Variants in NCKAP1 observed in about 807,000 individuals in gnomAD.
NCKAP1 encodes the protein nck-associated protein 1.
Under a neutral mutation model 151.2 loss-of-function variants are expected in NCKAP1, and 21 were observed. That is an observed-to-expected ratio of 0.14 (90% CI 0.10 to 0.20). The LOEUF (loss-of-function observed/expected upper bound fraction) is 0.20, where lower values mean the gene tolerates loss of function less well. NCKAP1 is among the 10% of genes least tolerant of loss of function. The pLI is 1.00. For missense variants in NCKAP1, 933 were observed against 1,352.1 expected (o/e 0.69, Z 4.86); for synonymous variants, 484 against 451.8 (o/e 1.07, Z -0.90).
At chr2:182,982,416 G>A (rs559622423) in intron 12 of NCKAP1, among the ~76,000 whole-genome samples, 77 of 152,136 alleles carry the variant, frequency 5.1e-4, no homozygotes, top group Non-Finnish European at 8.4e-4. Context: ...TGATTTGGAT[G>A]TACTATCTTT....
intron 23 of NCKAP1, among the ~76,000 whole-genome samples, chr2:182,944,287 TA>T (rs551740172): frequency 5.9e-5 from 9 of 152,016 alleles, no homozygotes; most frequent in East Asian, 1.9e-4. Context: ...AGATTTTTTT[TA>T]AAAAAAAGTT....
intron 15 of NCKAP1, among the ~76,000 whole-genome samples, chr2:182,975,786 T>G (rs922137853): frequency 2.6e-5 from 4 of 151,992 alleles, no homozygotes; most frequent in Non-Finnish European, 5.9e-5. Flanking sequence ...GCACTTATAG[T>G]CCCAGCTATT....
chr2:182,967,456 TA>T, intron 15 of NCKAP1, 95 bp from the exon 16 acceptor site: 1 of 1,126,350 alleles, frequency 8.9e-7, no homozygotes, highest in South Asian at 1.4e-5. Flanking sequence ...GAAAGATACT[TA>T]AACTATCTAC....
chr2:183,013,687 C>T (rs1698631469), intron 2 of NCKAP1, among the ~76,000 whole-genome samples: 1 of 152,126 alleles, frequency 6.6e-6, no homozygotes, highest in Admixed American at 6.6e-5. Context: ...CTACTACTCC[C>T]CTCCTATGGC....
chr2:182,941,676 T>G (rs1018319298), intron 24 of NCKAP1, among the ~76,000 whole-genome samples: 9 of 152,206 alleles, frequency 5.9e-5, no homozygotes, highest in Non-Finnish European at 4.4e-5. Flanking sequence ...AAATACCGTT[T>G]GCTTAAATGG....
At chr2:182,999,441 A>G (rs918679970) in intron 6 of NCKAP1, among the ~76,000 whole-genome samples, 2 of 152,200 alleles carry the variant, frequency 1.3e-5, no homozygotes, top group African/African-American at 4.8e-5. Flanking sequence ...AACCACTGGT[A>G]AAATGGGATA....
At chr2:182,944,325 A>T (rs1306392970) in intron 23 of NCKAP1, among the ~76,000 whole-genome samples, 2 of 152,204 alleles carry the variant, frequency 1.3e-5, no homozygotes, top group African/African-American at 4.8e-5. Context: ...GTATTGTGTT[A>T]AAAAGAAAGT....
At chr2:182,945,560 A>G (rs1697086976) in intron 23 of NCKAP1, among the ~76,000 whole-genome samples, 2 of 152,214 alleles carry the variant, frequency 1.3e-5, no homozygotes, top group South Asian at 4.1e-4. Flanking sequence ...TGTGAACTAC[A>G]ATATTTTCAG....
chr2:182,986,118 C>T (rs1698051189), intron 10 of NCKAP1, 53 bp downstream of exon 10: 3 of 1,534,210 alleles, frequency 2.0e-6, no homozygotes, highest in Non-Finnish European at 9.0e-7. Flanking sequence ...CAAAATGATG[C>T]TTTAAGAATT....
At chr2:182,998,508 AC>A (rs1341289290) in intron 6 of NCKAP1, among the ~76,000 whole-genome samples, 1 of 152,064 alleles carries the variant, frequency 6.6e-6, no homozygotes, top group African/African-American at 2.4e-5. Context: ...ATTTCTATAC[AC>A]TAATAACATT....
At chr2:183,025,801 T>C (rs1489694873) in intron 1 of NCKAP1, among the ~76,000 whole-genome samples, 2 of 152,206 alleles carry the variant, frequency 1.3e-5, no homozygotes, top group South Asian at 2.1e-4. Context: ...TTGCCTTACA[T>C]AATCACATAA....
At position 182,915,533 on chromosome 2, in the gene NCKAP1, C is replaced by T. The variant is rs1696453695; in HGVS notation, c.*10169G>A. On this transcript the variant is annotated 3_prime_UTR_variant, in exon 31 of 31. Transcript: ENST00000361354. ...CATTCTCCAAGGGTGTTCTATGAGC[C>T]TTATTGGTCCTCCCTGTACGATCAG... 6.6e-6 allele frequency: 1 copy of T among 152,164 alleles called. No individual in the cohort carries two copies. Among genetic ancestry groups the T allele is most frequent in the Non-Finnish European group, 1.5e-5 (1 of 68,052 alleles). The allele number at this position is 152,164 out of a possible 1,614,324, so 9.4% of individuals were successfully genotyped here.
intron 15 of NCKAP1, among the ~76,000 whole-genome samples, chr2:182,968,331 T>G (rs1697618441): frequency 6.6e-6 from 1 of 152,188 alleles, no homozygotes; most frequent in African/African-American, 2.4e-5. Flanking sequence ...AAGAGTTTAC[T>G]CTGGGAAATA....
At chr2:183,009,014 T>C (rs1209518262) in intron 2 of NCKAP1, among the ~76,000 whole-genome samples, 1 of 152,198 alleles carries the variant, frequency 6.6e-6, no homozygotes, top group African/African-American at 2.4e-5. Flanking sequence ...TACAAAGTGA[T>C]TATACTGGCA....
intron 6 of NCKAP1, among the ~76,000 whole-genome samples, chr2:182,998,093 T>C (rs1698304966): frequency 6.6e-6 from 1 of 152,140 alleles, no homozygotes; most frequent in African/African-American, 2.4e-5. Flanking sequence ...ATCATCTCAA[T>C]AGATGCAGAA....
intron 2 of NCKAP1, among the ~76,000 whole-genome samples, chr2:183,017,915 T>C (rs1698724326): frequency 6.6e-6 from 1 of 152,168 alleles, no homozygotes; most frequent in African/African-American, 2.4e-5. Context: ...AACAATGAAC[T>C]ACTCCTTGAG....
chr2:182,934,723 TA>T, intron 26 of NCKAP1, 28 bp downstream of exon 26: 1 of 1,147,444 alleles, frequency 8.7e-7, no homozygotes. Context: ...TTAGAGACTG[TA>T]AACCCCAACT....
chr2:182,938,358 G>A (rs777623235), intron 24 of NCKAP1, among the ~76,000 whole-genome samples: 4 of 152,114 alleles, frequency 2.6e-5, no homozygotes, highest in Non-Finnish European at 5.9e-5. Context: ...ACGAAGAGTA[G>A]AGATAAAAGT....
chr2:183,034,522 A>C (rs976451717), intron 1 of NCKAP1, among the ~76,000 whole-genome samples: 3 of 152,158 alleles, frequency 2.0e-5, no homozygotes, highest in Non-Finnish European at 4.4e-5. Context: ...AGAAAGGAGA[A>C]GGAAAAAAAG....
Sources: gnomAD v4.1 joint callset for allele counts (sites outside exome capture counted in the v4.1 genomes callset) on GRCh38, gnomAD v4.1.1 for gene constraint, MANE v1.5 for transcripts, NCBI Gene and HGNC (gene_info 2026-07-23, HGNC 2026-07-21) for gene names.